The following PREX2 variants were observed in gnomAD, a reference collection of about 807,000 sequenced individuals.
PREX2 encodes the protein phosphatidylinositol-3,4,5-trisphosphate dependent Rac exchange factor 2.
Under a neutral mutation model 203.2 loss-of-function variants are expected in PREX2, and 107 were observed. The observed-to-expected ratio is 0.53, with a 90% CI of 0.45 to 0.62. The LOEUF (loss-of-function observed/expected upper bound fraction) is 0.62. Ranked by LOEUF, PREX2 falls within the 20% of genes least tolerant of loss-of-function variation. The pLI is 0.00. For missense variants in PREX2, 1,777 were observed against 1,955.9 expected (o/e 0.91, Z 1.72); for synonymous variants, 672 against 663.6 (o/e 1.01, Z -0.19).
chr8:68,084,104 T>A (rs1176316398), intron 18 of PREX2, among the ~76,000 whole-genome samples: 2 of 152,176 alleles, frequency 1.3e-5, no homozygotes, highest in East Asian at 3.8e-4. Flanking sequence ...ATACCATGCA[T>A]ATACTTGCAA....
At chr8:68,225,438 A>G (rs1813040067) in intron 39 of PREX2, among the ~76,000 whole-genome samples, 1 of 152,100 alleles carries the variant, frequency 6.6e-6, no homozygotes, top group Non-Finnish European at 1.5e-5. Flanking sequence ...TGAAGGGGGG[A>G]AAAGCTAAAT....
chr8:68,081,788 G>A (rs1181785645), intron 17 of PREX2, among the ~76,000 whole-genome samples: 5 of 151,972 alleles, frequency 3.3e-5, no homozygotes, highest in East Asian at 1.9e-4. Context: ...TCTGCCTTCT[G>A]GGTTCAAGTG....
chr8:68,196,331 A>G (rs941455366), intron 37 of PREX2, among the ~76,000 whole-genome samples: 1 of 149,638 alleles, frequency 6.7e-6, no homozygotes, highest in African/African-American at 2.4e-5. Flanking sequence ...AAAACATTCT[A>G]TTCTGACATC....
intron 37 of PREX2, among the ~76,000 whole-genome samples, chr8:68,201,278 A>G (rs1052850397): frequency 6.6e-6 from 1 of 151,796 alleles, no homozygotes; most frequent in Non-Finnish European, 1.5e-5. Flanking sequence ...TTTTTTTTGC[A>G]TGTTAAGAGA....
intron 1 of PREX2, among the ~76,000 whole-genome samples, chr8:67,995,638 A>C (rs1388720368): frequency 1.3e-5 from 2 of 152,218 alleles, no homozygotes; most frequent in Non-Finnish European, 2.9e-5. Flanking sequence ...AACTGAAAAT[A>C]CATCTTAATG....
chr8:68,081,585 T>C (rs1809527363), intron 17 of PREX2, among the ~76,000 whole-genome samples: 1 of 152,206 alleles, frequency 6.6e-6, no homozygotes, highest in African/African-American at 2.4e-5. Context: ...AAGAGCTGTG[T>C]CTTCTGTTTT....
intron 34 of PREX2, among the ~76,000 whole-genome samples, chr8:68,152,284 T>A (rs1337983412): frequency 6.1e-5 from 1 of 16,298 alleles, no homozygotes; most frequent in African/African-American, 4.9e-4. Context: ...AGACTCCCTC[T>A]CAGAGAAAAA....
intron 37 of PREX2, among the ~76,000 whole-genome samples, chr8:68,197,604 T>G (rs1013609670): frequency 3.3e-4 from 50 of 151,834 alleles, no homozygotes; most frequent in African/African-American, 1.2e-3. Flanking sequence ...ATTACCACAT[T>G]GGTGGTCAAG....
chr8:68,077,357 A>T, intron 14 of PREX2, 40 bp from the exon 15 acceptor site: 1 of 1,433,792 alleles, frequency 7.0e-7, no homozygotes, highest in Non-Finnish European at 9.8e-7. Flanking sequence ...CAAAGCCTTT[A>T]GTTGCCTATT....
At position 68,021,852 on chromosome 8, in the gene PREX2, TCCCTTTTTAGG is replaced by T. The variant is rs1371093774; in HGVS notation, c.337-182_337-172del. Among the ~76,000 whole-genome samples, 12 of 152,294 alleles carry T rather than the reference TCCCTTTTTAGG, an allele frequency of 7.9e-5. No homozygotes were observed. The East Asian group carries it at 2.3e-3, about 29-fold the overall frequency. ...GGAGTATAACTGATATACGTCTATC[TCCCTTTTTAGG>T]CTGTTCTTCATGGGCCAGGGAAAAT... On this transcript the variant is annotated intron_variant, in intron 3 of 39. Coordinates refer to ENST00000288368, the MANE Select transcript of PREX2 (RefSeq NM_024870.4).
At chr8:68,010,086 CA>C (rs1490557450) in intron 1 of PREX2, among the ~76,000 whole-genome samples, 2 of 152,192 alleles carry the variant, frequency 1.3e-5, no homozygotes, top group Non-Finnish European at 2.9e-5. Context: ...TCCCTATTAG[CA>C]CCTTAGAGTT....
intron 35 of PREX2, among the ~76,000 whole-genome samples, chr8:68,167,725 G>A (rs1392764476): frequency 2.0e-5 from 3 of 151,966 alleles, no homozygotes; most frequent in Non-Finnish European, 2.9e-5. Flanking sequence ...AACTACTCTT[G>A]GTGTAAATCA....
At position 68,090,593 on chromosome 8, in the gene PREX2, G is replaced by C; in HGVS notation, c.2128G>C (p.Ala710Pro). 1 of 1,606,970 alleles carries C rather than the reference G, an allele frequency of 6.2e-7. No individual in the cohort carries two copies. The highest frequency in any genetic ancestry group is 8.5e-7 in the Non-Finnish European group (1 of 1,175,178). The change falls in exon 20 of 40, where the codon GCA becomes CCA. Residue 710 changes from alanine to proline, a missense_variant. Transcript: ENST00000288368. ...TGTATTTATAGGAACTGTGGCTGCA[G>C]CAGCTGGTCTTCACCCTGGACAGTG... ...HAVGRGTVAA[A>P]AGLHPGQCII...
intron 8 of PREX2, among the ~76,000 whole-genome samples, chr8:68,045,285 A>G (rs903378069): frequency 2.6e-5 from 4 of 152,056 alleles, no homozygotes; most frequent in East Asian, 1.9e-4. Flanking sequence ...TTTTTCCCCA[A>G]TGATTTTAGT....
intron 38 of PREX2, among the ~76,000 whole-genome samples, chr8:68,222,289 T>C (rs975334662): frequency 3.9e-5 from 6 of 152,038 alleles, no homozygotes; most frequent in Admixed American, 2.0e-4. Context: ...ATTGGTAAAT[T>C]ACCAGACGAG....
At chr8:68,048,545 A>G (rs1334528112) in intron 8 of PREX2, among the ~76,000 whole-genome samples, 1 of 152,060 alleles carries the variant, frequency 6.6e-6, no homozygotes, top group Non-Finnish European at 1.5e-5. Context: ...CCCTTTATAT[A>G]TAAATATTTG....
In PREX2 at chr8:68,232,272, G is replaced by A. The variant is rs1207784965; in HGVS notation, c.*894G>A. 6.6e-6 allele frequency: 1 copy of A among 152,150 alleles called. No homozygotes were observed. Among genetic ancestry groups the A allele is most frequent in the Non-Finnish European group, 1.5e-5 (1 of 68,012 alleles). 9.4% of individuals were successfully genotyped at this position (152,150 alleles called of 1,614,324 possible). A position where few individuals can be genotyped will look rare whatever the true frequency, so the allele number is the denominator to read the frequency against. ...CTTAATTTTATGAAGGCTCTCATAT[G>A]AGAGGTCAGACTCTTCAAAGAATAC... On this transcript the variant is annotated 3_prime_UTR_variant, in exon 40 of 40. Coordinates refer to ENST00000288368, the MANE Select transcript of PREX2 (RefSeq NM_024870.4).
At chr8:68,224,898 C>T (rs1301575468) in intron 39 of PREX2, among the ~76,000 whole-genome samples, 1 of 152,112 alleles carries the variant, frequency 6.6e-6, no homozygotes, top group African/African-American at 2.4e-5. Context: ...CCAGCTGTGA[C>T]AAACAACCAA....
At chr8:68,083,511 G>A (rs4592016) in intron 18 of PREX2, 123 bp downstream of exon 18, 315,795 of 606,542 alleles carry the variant, frequency 0.52, 83,486 homozygotes, top group South Asian at 0.54. Context: ...GAACCTCACC[G>A]GTATCATTAA....
Sources: gnomAD v4.1 joint callset for allele counts (sites outside exome capture counted in the v4.1 genomes callset) on GRCh38, gnomAD v4.1.1 for gene constraint, MANE v1.5 for transcripts, NCBI Gene and HGNC (gene_info 2026-07-23, HGNC 2026-07-21) for gene names.